The following TNIP3 variants were observed in gnomAD, a reference collection of about 807,000 sequenced individuals.
TNIP3 encodes the protein TNFAIP3-interacting protein 3.
TNIP3 carries 34 observed loss-of-function variants against 54.1 expected under a neutral mutation model. The ratio of observed to expected loss-of-function variants is 0.63; its 90% CI spans 0.48 to 0.84. The LOEUF is 0.84. TNIP3 is among the 40% of genes least tolerant of loss of function. The pLI is 0.00. For synonymous variants in TNIP3, 134 were observed against 136.8 expected, an observed-to-expected ratio of 0.98 and a Z score of 0.14; for missense variants, 366 against 387.6, an observed-to-expected ratio of 0.94 and a Z score of 0.47.
At chr4:121,224,560 G>C (rs569804849) in intron 1 of TNIP3, among the ~76,000 whole-genome samples, 1 of 152,154 alleles carries the variant, frequency 6.6e-6, no homozygotes, top group Admixed American at 6.5e-5. Flanking sequence ...TTAAACAAGT[G>C]ACAGAACACT....
At chr4:121,221,167 G>A (rs1407373638), upstream of TNIP3, among the ~76,000 whole-genome samples, 1 of 152,108 alleles carries the variant, frequency 6.6e-6, no homozygotes, top group African/African-American at 2.4e-5. Context: ...TTATTGGTAA[G>A]AAAGAAATGT....
chr4:121,142,141 A>T (rs1729157603), intron 8 of TNIP3, among the ~76,000 whole-genome samples: 1 of 152,196 alleles, frequency 6.6e-6, no homozygotes, highest in African/African-American at 2.4e-5. Context: ...CATTTTGAAG[A>T]AATTAGACAC....
At chr4:121,180,489 T>C (rs1265822240) in intron 3 of TNIP3, among the ~76,000 whole-genome samples, 2 of 152,008 alleles carry the variant, frequency 1.3e-5, no homozygotes, top group African/African-American at 4.8e-5. Context: ...AAAAGACAAG[T>C]GAAAAGTAAA....
In TNIP3 at chr4:121,138,573, T is replaced by C. The variant is rs576339250; in HGVS notation, c.946+51A>G. 1.0e-4 allele frequency: 158 copies of C among 1,522,430 alleles called. No individual in the cohort carries two copies. The South Asian group carries it at 1.6e-3, about 16-fold the overall frequency. The allele number at this position is 1,522,430 out of a possible 1,614,324, so 94.3% of individuals were successfully genotyped here. On this transcript the variant is annotated intron_variant, in intron 10 of 10. Coordinates refer to ENST00000057513, the MANE Select transcript of TNIP3 (RefSeq NM_024873.6). ...ATGTTGAGTAAACATCCCCAAAAGA[T>C]CCCATTAAGATGTAAACATGAAAGA... is the stretch of plus-strand genomic sequence containing the variant.
At chr4:121,193,321 C>A (rs1725399491) in intron 2 of TNIP3, among the ~76,000 whole-genome samples, 1 of 151,982 alleles carries the variant, frequency 6.6e-6, no homozygotes, top group Non-Finnish European at 1.5e-5. Context: ...CTTTTCGTGC[C>A]AGAAATTAGG....
chr4:121,138,782 C>G, intron 9 of TNIP3, 98 bp from the exon 10 acceptor site: 2 of 1,139,216 alleles, frequency 1.8e-6, no homozygotes, highest in Non-Finnish European at 2.6e-6. Flanking sequence ...ATTAAGCAGG[C>G]AACACAAAAG....
chr4:121,161,075 T>C (rs1730419858), intron 2 of TNIP3, 61 bp downstream of exon 2: 2 of 1,264,208 alleles, frequency 1.6e-6, no homozygotes, highest in Non-Finnish European at 2.2e-6. Context: ...GGATAATACA[T>C]TATTTTATCC....
At chr4:121,137,819 T>C (rs1728876444) in intron 10 of TNIP3, 1 of 394,818 alleles carries the variant, frequency 2.5e-6, no homozygotes, top group South Asian at 1.9e-5. Flanking sequence ...TAGATTCAAA[T>C]CTTTGGAAAT....
intron 1 of TNIP3, 126 bp downstream of exon 1, chr4:121,163,934 G>A (rs74820468): frequency 0.031 from 34,500 of 1,099,968 alleles, 817 homozygotes; most frequent in African/African-American, 0.11. Context: ...TAAAAATATA[G>A]AGCAAATCTT....
upstream of TNIP3, among the ~76,000 whole-genome samples, chr4:121,220,077 A>G (rs1339267363): frequency 6.6e-6 from 1 of 152,146 alleles, no homozygotes; most frequent in Non-Finnish European, 1.5e-5. Context: ...TAGGCTGAAA[A>G]CCATACATAT....
At chr4:121,213,799 T>A (rs1229724010) in intron 2 of TNIP3, among the ~76,000 whole-genome samples, 1 of 151,496 alleles carries the variant, frequency 6.6e-6, no homozygotes, top group African/African-American at 2.4e-5. Flanking sequence ...TTAGAAAAAT[T>A]AAAATATTAA....
intron 1 of TNIP3, among the ~76,000 whole-genome samples, chr4:121,222,895 T>A (rs895707807): frequency 7.2e-6 from 1 of 138,920 alleles, no homozygotes; most frequent in African/African-American, 2.7e-5. Context: ...AAGCTCCGCC[T>A]CCCAGGTTCA....
chr4:121,150,768 T>C (rs542845182), intron 5 of TNIP3, among the ~76,000 whole-genome samples: 7 of 152,186 alleles, frequency 4.6e-5, no homozygotes, highest in African/African-American at 1.7e-4. Flanking sequence ...GAGAGGGACA[T>C]CCACAGAAAT....
At chr4:121,175,862 T>C (rs761653934) in intron 3 of TNIP3, among the ~76,000 whole-genome samples, 1 of 152,224 alleles carries the variant, frequency 6.6e-6, no homozygotes, top group Non-Finnish European at 1.5e-5. Context: ...TAGGATCCAA[T>C]TTTAGTTCAC....
At chr4:121,167,271 A>G (rs1730817357), upstream of TNIP3, among the ~76,000 whole-genome samples, 1 of 152,146 alleles carries the variant, frequency 6.6e-6, no homozygotes, top group Non-Finnish European at 1.5e-5. Flanking sequence ...ATGTCAATAT[A>G]TATATATTTG....
chr4:121,212,241 G>A (rs1361092149), intron 2 of TNIP3, among the ~76,000 whole-genome samples: 2 of 152,126 alleles, frequency 1.3e-5, no homozygotes, highest in Non-Finnish European at 2.9e-5. Context: ...TTTATCCCAT[G>A]GGCGTTGTTT....
intron 2 of TNIP3, among the ~76,000 whole-genome samples, chr4:121,189,022 G>A (rs907567114): frequency 1.3e-5 from 2 of 152,174 alleles, no homozygotes; most frequent in African/African-American, 2.4e-5. Context: ...GGCAAGTAGT[G>A]TAAATTCTAG....
upstream of TNIP3, among the ~76,000 whole-genome samples, chr4:121,166,957 A>G (rs1730801223): frequency 6.6e-6 from 1 of 152,150 alleles, no homozygotes; most frequent in Non-Finnish European, 1.5e-5. Context: ...GCCTTTGGTC[A>G]TCTAAGATGC....
In TNIP3 at chr4:121,202,777, A is replaced by C. The variant is rs1390867682; in HGVS notation, c.68+13638T>G. Among the ~76,000 whole-genome samples, 11 of 152,166 alleles carry C rather than the reference A, an allele frequency of 7.2e-5. No individual in the cohort carries two copies. In the East Asian group the frequency reaches 2.1e-3, roughly 29 times the overall value. On this transcript the variant is annotated intron_variant, in intron 2 of 12. Coordinates refer to the TNIP3 transcript ENST00000507879. ...CAAAAAGTGGGCTAACGACATGAAT[A>C]GATAATTCCCAAAAGAAGATATAAA...
Sources: gnomAD v4.1 joint callset for allele counts (sites outside exome capture counted in the v4.1 genomes callset) on GRCh38, gnomAD v4.1.1 for gene constraint, MANE v1.5 for transcripts, NCBI Gene and HGNC (gene_info 2026-07-23, HGNC 2026-07-21) for gene names.